PKD2L1: variants seen among roughly 807,000 people sequenced by gnomAD.
The protein encoded by PKD2L1 is polycystin-2-like protein 1.
PKD2L1 carries 77 observed loss-of-function variants against 93.0 expected under a neutral mutation model. That is an observed-to-expected ratio of 0.83 (90% CI 0.69 to 1.00). The LOEUF is 1.00. PKD2L1 is among the 50% of genes least tolerant of loss of function. The pLI is 0.00. For synonymous variants in PKD2L1, 390 were observed against 388.0 expected (o/e 1.01, Z -0.06); for missense variants, 977 against 990.9 (o/e 0.99, Z 0.19).
intron 6 of PKD2L1, 72 bp from the exon 7 acceptor site, chr10:100,296,364 C>T (rs939829340): frequency 3.1e-6 from 4 of 1,294,126 alleles, no homozygotes; most frequent in Non-Finnish European, 4.2e-6. Flanking sequence ...GATGAGGCCC[C>T]AAGGGAGAGT....
chr10:100,324,856 T>C (rs55869259), intron 2 of PKD2L1, among the ~76,000 whole-genome samples: 1,585 of 152,282 alleles, frequency 0.01, 23 homozygotes, highest in African/African-American at 0.036. Context: ...AACCCGGTCA[T>C]GGGAACTGAC....
intron 8 of PKD2L1, 82 bp from the exon 9 acceptor site, chr10:100,294,737 C>T: frequency 6.4e-7 from 1 of 1,573,816 alleles, no homozygotes; most frequent in Non-Finnish European, 8.7e-7. Context: ...AGACCCCTCA[C>T]CACACGTTCA....
Position 100,288,272 on chromosome 10 carries a change from G to A in PKD2L1, c.*124C>T. ...GAATCCTGAGTTCATTTCCTTGCCT[G>A]ATTCCCTTCAGGCTCCATTTTTATC... On this transcript the variant is annotated 3_prime_UTR_variant, in exon 16 of 16. Coordinates refer to ENST00000318222, the MANE Select transcript of PKD2L1 (RefSeq NM_016112.3). 1 of 685,516 alleles carries A rather than the reference G, an allele frequency of 1.5e-6. No homozygotes were observed. The allele number at this position is 685,516 out of a possible 1,614,324, so 42.5% of individuals were successfully genotyped here. A position where few individuals can be genotyped will look rare whatever the true frequency, so the allele number is the denominator to read the frequency against.
intron 2 of PKD2L1, among the ~76,000 whole-genome samples, chr10:100,313,375 CA>C (rs1379525177): frequency 1.1e-4 from 16 of 152,156 alleles, no homozygotes; most frequent in Admixed American, 1.0e-3. Context: ...GACAGGAAAC[CA>C]GGCAGGAAAA....
chr10:100,290,166 G>A (rs1368471940), intron 13 of PKD2L1, 28 bp from the exon 14 acceptor site: 5 of 1,613,478 alleles, frequency 3.1e-6, no homozygotes, highest in Middle Eastern at 1.6e-4. Flanking sequence ...GAGACGAATG[G>A]AGCAGAAATC....
intron 1 of PKD2L1, 74 bp downstream of exon 1, chr10:100,329,795 A>C: frequency 1.0e-5 from 10 of 966,148 alleles, no homozygotes; most frequent in African/African-American, 4.9e-5. Context: ...TTCCACCCCC[A>C]CCCCCTGCCC....
chr10:100,295,865 G>A (rs10883455), intron 7 of PKD2L1, among the ~76,000 whole-genome samples: 17,206 of 149,980 alleles, frequency 0.11, 1,206 homozygotes, highest in South Asian at 0.28. Flanking sequence ...GTGAAACCCC[G>A]TCTCCACAAA....
At chr10:100,296,034 C>CAAAA (rs200777805) in intron 7 of PKD2L1, 88 bp downstream of exon 7, 18 of 980,470 alleles carry the variant, frequency 1.8e-5, no homozygotes, top group African/African-American at 9.5e-5. Flanking sequence ...GACTCCATCT[C>CAAAA]AAAAAAAAAA....
chr10:100,298,863 C>G, intron 3 of PKD2L1, 48 bp from the exon 4 acceptor site: 1 of 1,572,652 alleles, frequency 6.4e-7, no homozygotes, highest in Non-Finnish European at 8.6e-7. Context: ...TCCTGACCCC[C>G]TACCTTTAGA....
chr10:100,291,266 C>T, intron 12 of PKD2L1, 35 bp downstream of exon 12: 1 of 1,602,564 alleles, frequency 6.2e-7, no homozygotes, highest in Non-Finnish European at 8.5e-7. Flanking sequence ...GAGCTATTTC[C>T]TTACACTGCC....
At chr10:100,310,631 G>A (rs59409411) in intron 2 of PKD2L1, among the ~76,000 whole-genome samples, 1 of 151,940 alleles carries the variant, frequency 6.6e-6, no homozygotes, top group Non-Finnish European at 1.5e-5. Context: ...TCCTAAAATT[G>A]CCCTTATAAA....
intron 3 of PKD2L1, among the ~76,000 whole-genome samples, chr10:100,299,222 G>A (rs1283500141): frequency 3.3e-5 from 5 of 152,150 alleles, no homozygotes; most frequent in Non-Finnish European, 7.3e-5. Context: ...CTCCTAAAGT[G>A]CTGGGATTAC....
chr10:100,322,729 T>C (rs767756282), intron 2 of PKD2L1, among the ~76,000 whole-genome samples: 2 of 152,228 alleles, frequency 1.3e-5, no homozygotes, highest in Non-Finnish European at 2.9e-5. Flanking sequence ...TCTATTAGGG[T>C]AGGGCACGGA....
chr10:100,290,691 A>G (rs187531908), intron 12 of PKD2L1, among the ~76,000 whole-genome samples, 172 bp from the exon 13 acceptor site: 1 of 152,262 alleles, frequency 6.6e-6, no homozygotes, highest in African/African-American at 2.4e-5. Flanking sequence ...GTGGTGCTGG[A>G]CCAACCTCTG....
chr10:100,327,820 T>A (rs1849411540), intron 2 of PKD2L1, among the ~76,000 whole-genome samples: 2 of 152,294 alleles, frequency 1.3e-5, no homozygotes, highest in East Asian at 3.9e-4. Context: ...GAGTGGCCAG[T>A]GACAAACACA....
intron 2 of PKD2L1, among the ~76,000 whole-genome samples, chr10:100,301,396 T>C (rs1848670173): frequency 6.6e-6 from 1 of 152,106 alleles, no homozygotes; most frequent in African/African-American, 2.4e-5. Context: ...CCAGGGCGTG[T>C]TTCATCTGTT....
intron 1 of PKD2L1, 84 bp downstream of exon 1, chr10:100,329,785 T>C: frequency 1.1e-6 from 1 of 930,152 alleles, no homozygotes; most frequent in South Asian, 1.5e-5. Flanking sequence ...TCAGATCACA[T>C]TCCACCCCCA....
chr10:100,290,571 C>G, intron 12 of PKD2L1, 52 bp from the exon 13 acceptor site: 1 of 1,176,342 alleles, frequency 8.5e-7, no homozygotes, highest in East Asian at 2.3e-5. Context: ...GGGAAGCCAT[C>G]AGCTCCTGTT....
chr10:100,296,102 G>C lies in PKD2L1; in HGVS notation c.1356+20C>G. On this transcript the variant is annotated intron_variant, in intron 7 of 15. Coordinates refer to ENST00000318222, the MANE Select transcript of PKD2L1 (RefSeq NM_016112.3). ...ATGAGTGCGCCTTGAAGCAAAGCTG[G>C]GTGTGGGAATCCCAGGTACCTTGAT... 1 of 1,593,692 alleles carries C rather than the reference G, an allele frequency of 6.3e-7. No individual in the cohort carries two copies. Among genetic ancestry groups the C allele is most frequent in the South Asian group, 1.1e-5 (1 of 87,180 alleles).
Sources: allele counts gnomAD v4.1 joint callset (sites outside exome capture counted in the v4.1 genomes callset), GRCh38; gene constraint gnomAD v4.1.1; transcripts MANE v1.5; gene names NCBI Gene and HGNC (gene_info 2026-07-23, HGNC 2026-07-21).